TSHZ2: variants seen among roughly 807,000 people sequenced by gnomAD.
TSHZ2 encodes teashirt homolog 2.
TSHZ2 carries 21 observed loss-of-function variants against 74.4 expected under a neutral mutation model. That is an observed-to-expected ratio of 0.28 (90% CI 0.20 to 0.41). The LOEUF (loss-of-function observed/expected upper bound fraction) is 0.41. TSHZ2 is among the 10% of genes least tolerant of loss of function. The pLI is 1.00. For missense variants in TSHZ2, 1,244 were observed against 1,293.5 expected (o/e 0.96, Z 0.59); for synonymous variants, 540 against 515.3 (o/e 1.05, Z -0.65).
chr20:53,490,367 A>T lies in TSHZ2; in HGVS notation c.*3232A>T, dbSNP rs1986414960. 6.6e-6 allele frequency: 1 copy of T among 152,256 alleles called. No individual in the cohort carries two copies. Among genetic ancestry groups the T allele is most frequent in the South Asian group, 2.1e-4 (1 of 4,834 alleles). The allele number at this position is 152,256 out of a possible 1,614,324, so 9.4% of individuals were successfully genotyped here. A position where few individuals can be genotyped will look rare whatever the true frequency, so the allele number is the denominator to read the frequency against. The stretch of plus-strand genomic sequence containing the variant: ...GTCCTAGGCACTGTGGGATAACAAC[A>T]GCAAACACTTCACACAACAGCCTGG... On this transcript the variant is annotated 3_prime_UTR_variant, in exon 3 of 3. Transcript: ENST00000371497.
intron 1 of TSHZ2, among the ~76,000 whole-genome samples, chr20:53,060,861 G>A (rs1984799656): frequency 1.3e-5 from 2 of 152,324 alleles, no homozygotes; most frequent in South Asian, 4.1e-4. Context: ...GCACTCAGAA[G>A]TCAGGGCAGG....
At chr20:53,484,572 G>C (rs557725545) in intron 2 of TSHZ2, among the ~76,000 whole-genome samples, 13 of 152,014 alleles carry the variant, frequency 8.6e-5, no homozygotes, top group South Asian at 8.3e-4. Flanking sequence ...TTTTAGTAGA[G>C]ACAGAGTTTC....
At chr20:53,102,699 C>A (rs1184967861) in intron 1 of TSHZ2, among the ~76,000 whole-genome samples, 1 of 152,106 alleles carries the variant, frequency 6.6e-6, no homozygotes, top group Admixed American at 6.5e-5. Flanking sequence ...CAACCTCCCC[C>A]CATCTTGTTT....
intron 2 of TSHZ2, among the ~76,000 whole-genome samples, chr20:53,375,349 G>A (rs1248088736): frequency 6.6e-6 from 1 of 152,144 alleles, no homozygotes; most frequent in Non-Finnish European, 1.5e-5. Context: ...CTAATACACA[G>A]TCTATGTACT....
At position 53,238,299 on chromosome 20, in the gene TSHZ2, A is replaced by G. The variant is rs569978784; in HGVS notation, c.41-15200A>G. Among the ~76,000 whole-genome samples, 9 of 152,294 alleles carry G rather than the reference A, an allele frequency of 5.9e-5. No homozygotes were observed. In the East Asian group the frequency reaches 1.7e-3, roughly 29 times the overall value. ...TATTATCTTTGGCAAACAAGTAAAA[A>G]CAAGGAATTTGTTGGGAGGAACATA... On this transcript the variant is annotated intron_variant, in intron 1 of 2. Transcript: ENST00000371497.
intron 1 of TSHZ2, among the ~76,000 whole-genome samples, chr20:53,228,493 G>A (rs1989740507): frequency 2.6e-5 from 4 of 152,190 alleles, no homozygotes; most frequent in Admixed American, 2.6e-4. Flanking sequence ...CTCAACCTTG[G>A]CGCTATTGAG....
chr20:53,222,333 A>G (rs1472083031), intron 1 of TSHZ2, among the ~76,000 whole-genome samples: 1 of 152,176 alleles, frequency 6.6e-6, no homozygotes, highest in East Asian at 1.9e-4. Flanking sequence ...TTGCCTCTCT[A>G]CAGACACTCA....
At chr20:53,423,476 T>C (rs2145720965) in intron 2 of TSHZ2, among the ~76,000 whole-genome samples, 1 of 152,288 alleles carries the variant, frequency 6.6e-6, no homozygotes, top group Non-Finnish European at 1.5e-5. Context: ...ATACCTTGCA[T>C]GGATCACATA....
At chr20:53,064,441 T>C (rs1234433725) in intron 1 of TSHZ2, among the ~76,000 whole-genome samples, 1 of 152,132 alleles carries the variant, frequency 6.6e-6, no homozygotes, top group African/African-American at 2.4e-5. Flanking sequence ...TTATTTTTTT[T>C]ATGTTACTGA....
intron 1 of TSHZ2, among the ~76,000 whole-genome samples, chr20:53,001,900 T>G (rs1033167382): frequency 2.6e-5 from 4 of 152,224 alleles, no homozygotes; most frequent in African/African-American, 9.7e-5. Context: ...GATATTTCAC[T>G]GCTTTGATGG....
intron 1 of TSHZ2, among the ~76,000 whole-genome samples, chr20:53,020,125 C>A (rs144380463): frequency 1.8e-3 from 270 of 152,266 alleles, no homozygotes; most frequent in African/African-American, 6.0e-3. Flanking sequence ...TGGGGGAAAC[C>A]ACCCCCATAA....
intron 1 of TSHZ2, among the ~76,000 whole-genome samples, chr20:53,197,560 G>T (rs1245748342): frequency 6.6e-6 from 1 of 152,102 alleles, no homozygotes; most frequent in Admixed American, 6.5e-5. Flanking sequence ...GTGGGAAATG[G>T]CCCTAATTTT....
chr20:53,404,837 C>A (rs1982785325), intron 2 of TSHZ2, among the ~76,000 whole-genome samples: 1 of 152,246 alleles, frequency 6.6e-6, no homozygotes, highest in South Asian at 2.1e-4. Context: ...GCATTGATCA[C>A]TGATGGCAGG....
intron 1 of TSHZ2, among the ~76,000 whole-genome samples, chr20:53,106,303 A>G (rs1377468882): frequency 2.0e-5 from 3 of 149,958 alleles, no homozygotes; most frequent in East Asian, 2.0e-4. Context: ...GATTTCACAT[A>G]TAAGTGAGGT....
chr20:53,269,135 T>A (rs899941955), intron 2 of TSHZ2, among the ~76,000 whole-genome samples: 1 of 152,028 alleles, frequency 6.6e-6, no homozygotes, highest in Admixed American at 6.6e-5. Context: ...TGTACAGGGG[T>A]GGGGGCTGTC....
chr20:53,261,328 CTCTT>C (rs1259676799), intron 2 of TSHZ2, among the ~76,000 whole-genome samples: 1 of 152,214 alleles, frequency 6.6e-6, no homozygotes, highest in Admixed American at 6.5e-5. Context: ...CATCCTTGTT[CTCTT>C]TCTTTTAATG....
At chr20:53,481,783 T>C (rs1329962624) in intron 2 of TSHZ2, among the ~76,000 whole-genome samples, 2 of 151,772 alleles carry the variant, frequency 1.3e-5, no homozygotes, top group African/African-American at 4.8e-5. Context: ...ATAAAAGACA[T>C]AGGTATCTGA....
intron 1 of TSHZ2, among the ~76,000 whole-genome samples, chr20:53,005,686 G>A (rs1038995057): frequency 6.6e-6 from 1 of 152,210 alleles, no homozygotes; most frequent in Non-Finnish European, 1.5e-5. Flanking sequence ...GAGTGACTGT[G>A]ACATCTTGAA....
intron 2 of TSHZ2, among the ~76,000 whole-genome samples, chr20:53,292,228 A>G (rs557968011): frequency 2.0e-5 from 3 of 152,282 alleles, no homozygotes; most frequent in South Asian, 4.2e-4. Flanking sequence ...TGCATGGTGA[A>G]CTGGTAATCC....
Sources: gnomAD v4.1 joint callset for allele counts (sites outside exome capture counted in the v4.1 genomes callset) on GRCh38, gnomAD v4.1.1 for gene constraint, MANE v1.5 for transcripts, NCBI Gene and HGNC (gene_info 2026-07-23, HGNC 2026-07-21) for gene names.